Variants in IMMP2L observed in about 807,000 individuals in gnomAD.
IMMP2L encodes inner mitochondrial membrane peptidase subunit 2.
Under a neutral mutation model 19.3 loss-of-function variants are expected in IMMP2L, and 18 were observed. The observed-to-expected ratio is 0.93, with a 90% CI of 0.64 to 1.38. IMMP2L has a LOEUF of 1.38. IMMP2L is among the 40% of genes most tolerant of loss of function. The probability of loss-of-function intolerance (pLI) is 0.00; values close to 1 mark genes in which losing one functional copy is unlikely to be tolerated. For synonymous variants in IMMP2L, 76 were observed against 73.0 expected, an observed-to-expected ratio of 1.04 and a Z score of -0.21; for missense variants, 233 against 218.2, an observed-to-expected ratio of 1.07 and a Z score of -0.43.
intron 5 of IMMP2L, among the ~76,000 whole-genome samples, chr7:110,732,832 C>A (rs2130825295): frequency 6.6e-6 from 1 of 150,714 alleles, no homozygotes; most frequent in African/African-American, 2.4e-5. Flanking sequence ...GTCACTCAGG[C>A]TGGGGTGTAG....
intron 4 of IMMP2L, among the ~76,000 whole-genome samples, chr7:110,957,452 T>A (rs920509861): frequency 1.3e-5 from 2 of 151,930 alleles, no homozygotes; most frequent in Admixed American, 1.3e-4. Context: ...CTTTGACCAG[T>A]GATTTGAGTC....
intron 3 of IMMP2L, among the ~76,000 whole-genome samples, chr7:111,465,956 A>T (rs1394153159): frequency 1.3e-5 from 2 of 152,194 alleles, no homozygotes; most frequent in African/African-American, 4.8e-5. Context: ...CTGGATTAAG[A>T]AAATGTGGCA....
At chr7:110,932,636 G>A (rs970367900) in intron 4 of IMMP2L, among the ~76,000 whole-genome samples, 1 of 152,166 alleles carries the variant, frequency 6.6e-6, no homozygotes, top group Non-Finnish European at 1.5e-5. Flanking sequence ...TTATAGGCGT[G>A]AGCCAATGGT....
At chr7:111,241,456 T>G (rs1562961122) in intron 3 of IMMP2L, among the ~76,000 whole-genome samples, 1 of 151,956 alleles carries the variant, frequency 6.6e-6, no homozygotes, top group Non-Finnish European at 1.5e-5. Flanking sequence ...AGATGCAAAT[T>G]CTGGCTCTAG....
At chr7:111,278,059 C>T (rs553375076) in intron 3 of IMMP2L, among the ~76,000 whole-genome samples, 96 of 152,114 alleles carry the variant, frequency 6.3e-4, no homozygotes, top group Non-Finnish European at 1.1e-3. Context: ...GTAAAAGACA[C>T]TGAAGACTAT....
chr7:110,962,339 T>G (rs1053578523), intron 4 of IMMP2L: 1 of 152,004 alleles, frequency 6.6e-6, no homozygotes, highest in Non-Finnish European at 1.5e-5. Context: ...TGATTCAATT[T>G]AAAATACCAA....
At chr7:111,439,889 G>C (rs187586983) in intron 3 of IMMP2L, among the ~76,000 whole-genome samples, 27 of 151,970 alleles carry the variant, frequency 1.8e-4, no homozygotes, top group African/African-American at 6.3e-4. Context: ...AAGTTTATGG[G>C]ATATTCCAAA....
chr7:111,144,325 C>T (rs373600062), intron 3 of IMMP2L, among the ~76,000 whole-genome samples: 2 of 152,200 alleles, frequency 1.3e-5, no homozygotes, highest in East Asian at 1.9e-4. Context: ...CAGGAATAGT[C>T]GTAAATTCTA....
intron 3 of IMMP2L, among the ~76,000 whole-genome samples, chr7:111,310,178 T>C (rs745683096): frequency 6.7e-6 from 1 of 148,744 alleles, no homozygotes; most frequent in Non-Finnish European, 1.5e-5. Context: ...GAGGTTGCAG[T>C]GAGTCGAGAT....
intron 3 of IMMP2L, among the ~76,000 whole-genome samples, chr7:111,288,978 T>C (rs1037536640): frequency 1.3e-5 from 2 of 152,162 alleles, no homozygotes; most frequent in African/African-American, 2.4e-5. Flanking sequence ...CATATGTTTA[T>C]TGCGGCACTG....
chr7:111,305,330 T>C (rs979354431), intron 3 of IMMP2L, among the ~76,000 whole-genome samples: 2 of 152,082 alleles, frequency 1.3e-5, no homozygotes, highest in African/African-American at 2.4e-5. Context: ...TTTCCCTGAG[T>C]GCTAAATATT....
chr7:110,934,442 C>A (rs1365806254), intron 4 of IMMP2L, among the ~76,000 whole-genome samples: 2 of 151,866 alleles, frequency 1.3e-5, no homozygotes, highest in Admixed American at 6.6e-5. Flanking sequence ...GGAGATGTTT[C>A]CAATTTTCTC....
At chr7:111,208,257 C>T (rs1810937655) in intron 3 of IMMP2L, among the ~76,000 whole-genome samples, 1 of 152,032 alleles carries the variant, frequency 6.6e-6, no homozygotes, top group African/African-American at 2.4e-5. Context: ...AAAAGAACAA[C>T]AAAGTGAAAA....
chr7:111,349,153 C>A (rs931807011), intron 3 of IMMP2L, among the ~76,000 whole-genome samples: 5 of 152,164 alleles, frequency 3.3e-5, no homozygotes, highest in Admixed American at 2.0e-4. Flanking sequence ...TCTCCCAGAG[C>A]TCTAATTACC....
At chr7:111,444,292 G>T (rs967213528) in intron 3 of IMMP2L, among the ~76,000 whole-genome samples, 1 of 152,134 alleles carries the variant, frequency 6.6e-6, no homozygotes, top group African/African-American at 2.4e-5. Context: ...AGATGTATAT[G>T]TATATGCACA....
intron 3 of IMMP2L, among the ~76,000 whole-genome samples, chr7:111,234,618 T>A (rs1208547015): frequency 1.3e-5 from 2 of 152,120 alleles, no homozygotes; most frequent in African/African-American, 4.8e-5. Context: ...CTACTGCTTT[T>A]ATCTGCCCTC....
intron 5 of IMMP2L, among the ~76,000 whole-genome samples, chr7:110,769,410 C>T (rs1241834478): frequency 6.6e-6 from 1 of 152,150 alleles, no homozygotes; most frequent in South Asian, 2.1e-4. Flanking sequence ...TCAACTAATT[C>T]CTCATTATGC....
At chr7:110,939,213 C>CA (rs1816443318) in intron 4 of IMMP2L, among the ~76,000 whole-genome samples, 1 of 151,960 alleles carries the variant, frequency 6.6e-6, no homozygotes, top group Non-Finnish European at 1.5e-5. Context: ...GAAATGGGAC[C>CA]AAGACTTTTT....
chr7:110,848,041 A>G (rs1355126365), intron 5 of IMMP2L, among the ~76,000 whole-genome samples: 1 of 152,166 alleles, frequency 6.6e-6, no homozygotes, highest in Admixed American at 6.6e-5. Flanking sequence ...ACAACCCATG[A>G]AAGAAATAAT....
Sources: allele counts gnomAD v4.1 joint callset (sites outside exome capture counted in the v4.1 genomes callset), GRCh38; gene constraint gnomAD v4.1.1; transcripts MANE v1.5; gene names NCBI Gene and HGNC (gene_info 2026-07-23, HGNC 2026-07-21).